Variants in STARD9 observed in about 807,000 individuals in gnomAD.
STARD9 encodes the protein stAR-related lipid transfer protein 9.
A neutral mutation model predicts 399.8 loss-of-function variants in STARD9; 346 were observed. The ratio of observed to expected loss-of-function variants is 0.87; its 90% CI spans 0.79 to 0.95. The LOEUF (loss-of-function observed/expected upper bound fraction) is 0.95, where lower values mean the gene tolerates loss of function less well. STARD9 is among the 40% of genes least tolerant of loss of function. STARD9 has a pLI of 0.00. For synonymous variants in STARD9, 2,203 were observed against 2,143.5 expected (o/e 1.03, Z -0.77); for missense variants, 5,832 against 5,667.5 (o/e 1.03, Z -0.93).
At chr15:42,663,117 T>C (rs2060021759) in intron 11 of STARD9, 164 bp from the exon 12 acceptor site, 1 of 754,338 alleles carries the variant, frequency 1.3e-6, no homozygotes, top group South Asian at 1.9e-5. Flanking sequence ...AAACATTCCA[T>C]ATCGTGAGTC....
In STARD9 at chr15:42,684,757, C is replaced by T; in HGVS notation, c.3179C>T (p.Ser1060Phe). 1 of 1,537,264 alleles carries T rather than the reference C, an allele frequency of 6.5e-7. No individual in the cohort carries two copies. The change falls in exon 23 of 33, where the codon TCT becomes TTT. Residue 1060 changes from serine (S) to phenylalanine (F), a missense_variant. Transcript: ENST00000290607. ...GTCAGAAATATTACCAAAAAGTCCT[C>T]TCACTTGCCTCTTGGCAGTCCTTTG... ...TRVRNITKKS[S>F]HLPLGSPLKR...
At chr15:42,676,015 G>C (rs1055165321) in intron 20 of STARD9, 40 bp downstream of exon 20, 60 of 699,332 alleles carry the variant, frequency 8.6e-5, no homozygotes, top group Admixed American at 2.8e-4. Flanking sequence ...AACCTACTGG[G>C]TTCGCTTCTT....
chr15:42,669,129 G>T (rs1171766016), intron 15 of STARD9, 29 bp from the exon 16 acceptor site: 1 of 1,504,092 alleles, frequency 6.6e-7, no homozygotes, highest in East Asian at 2.5e-5. Flanking sequence ...CATGCTGAGT[G>T]TCTCAGATCA....
intron 26 of STARD9, among the ~76,000 whole-genome samples, chr15:42,713,749 GAT>G (rs2061296097): frequency 6.6e-6 from 1 of 152,090 alleles, no homozygotes; most frequent in African/African-American, 2.4e-5. Flanking sequence ...ACTTGCTCGT[GAT>G]ATATGATCTT....
intron 1 of STARD9, among the ~76,000 whole-genome samples, chr15:42,577,444 C>G (rs1205725636): frequency 2.0e-5 from 3 of 152,200 alleles, no homozygotes; most frequent in Non-Finnish European, 4.4e-5. Flanking sequence ...TGAGCCACTG[C>G]GCCCAGCCGG....
intron 3 of STARD9, among the ~76,000 whole-genome samples, chr15:42,623,451 G>A (rs1037622668): frequency 2.0e-5 from 3 of 152,174 alleles, no homozygotes; most frequent in African/African-American, 7.2e-5. Context: ...GTTGTGGACT[G>A]AAGACAGTGT....
rs749690257 is a variant in STARD9 at position 42,674,431 on chromosome 15, C to T, written c.1498-9C>T. Reference sequence around the variant, plus strand: ...AATTCTCATTAAAATGGCTTTTTTCCCCCTTTAGGAAGGGACAACAAAAAT... The same window carrying T: ...AATTCTCATTAAAATGGCTTTTTTCTCCCTTTAGGAAGGGACAACAAAAAT... On this transcript the variant is annotated splice_polypyrimidine_tract_variant and intron_variant, in intron 16 of 32. Transcript: ENST00000290607. The T allele has an allele frequency of 2.6e-6, 4 of 1,536,278 alleles. No homozygotes were observed. The highest frequency in any genetic ancestry group is 2.4e-5 in the East Asian group (1 of 40,928).
intron 18 of STARD9, chr15:42,675,350 C>T: frequency 4.6e-6 from 2 of 433,840 alleles, no homozygotes; most frequent in South Asian, 5.5e-5. Flanking sequence ...ATTACCGCTA[C>T]TGTTATTAAT....
At chr15:42,635,562 C>G (rs1024889101) in intron 4 of STARD9, among the ~76,000 whole-genome samples, 37 of 152,066 alleles carry the variant, frequency 2.4e-4, no homozygotes, top group African/African-American at 8.7e-4. Context: ...ATCTCCTCAT[C>G]TCGTGATCTG....
chr15:42,677,089 TAAAAAAAAAAAAAAAA>T (rs869040683), intron 20 of STARD9, among the ~76,000 whole-genome samples: 1 of 53,590 alleles, frequency 1.9e-5, no homozygotes. Context: ...CGTCTCTACT[TAAAAAAAAAAAAAAAA>T]AAAAAAAAAA....
At chr15:42,654,454 T>G (rs1265934431) in intron 9 of STARD9, among the ~76,000 whole-genome samples, 2 of 151,402 alleles carry the variant, frequency 1.3e-5, no homozygotes, top group Admixed American at 1.3e-4. Flanking sequence ...GAGAAAGAAA[T>G]AAAGGGCATC....
intron 1 of STARD9, among the ~76,000 whole-genome samples, chr15:42,579,286 G>A (rs1403015433): frequency 1.3e-5 from 2 of 152,116 alleles, no homozygotes; most frequent in Non-Finnish European, 2.9e-5. Context: ...AAACTAGAGG[G>A]GAAAATAAAG....
intron 7 of STARD9, among the ~76,000 whole-genome samples, chr15:42,646,028 G>A (rs1231213808): frequency 1.3e-5 from 2 of 152,030 alleles, no homozygotes; most frequent in Non-Finnish European, 2.9e-5. Context: ...AGACGTGGTG[G>A]CTGGTGCCTG....
At chr15:42,657,214 G>A (rs1434744179) in intron 9 of STARD9, among the ~76,000 whole-genome samples, 1 of 151,916 alleles carries the variant, frequency 6.6e-6, no homozygotes, top group East Asian at 1.9e-4. Context: ...AAAAAAATTA[G>A]CCAGGCATGG....
At chr15:42,601,847 T>C (rs2141756178) in intron 3 of STARD9, among the ~76,000 whole-genome samples, 1 of 152,284 alleles carries the variant, frequency 6.6e-6, no homozygotes, top group South Asian at 2.1e-4. Flanking sequence ...TTTTACTTTA[T>C]TTTATTTATT....
In STARD9 at chr15:42,686,385, A is replaced by G. The variant is rs1331183041; in HGVS notation, c.4807A>G (p.Thr1603Ala). The G allele has an allele frequency of 2.8e-5, 43 of 1,537,648 alleles. No individual in the cohort carries two copies. The highest frequency in any genetic ancestry group is 3.6e-5 in the Non-Finnish European group (41 of 1,147,032). Residue 1603 changes from threonine (T) to alanine (A), a missense_variant, in exon 23 of 33, where the codon ACA becomes GCA. Thr to Ala is a moderately conservative substitution (Grantham distance 58). This residue lies in a region of STARD9 where 5,828 missense variants were observed against 5,651.1 expected (regional missense o/e 1.03). Coordinates refer to ENST00000290607, the MANE Select transcript of STARD9 (RefSeq NM_020759.3). ...AGAATCATTGTCTGCTTCTCGATCT[A>G]CAAATGCACAGGTCTTTGCAACAGA... ...DLESLSASRSTNAQVFATENA... is the reference protein window; with the variant it reads ...DLESLSASRSANAQVFATENA...
chr15:42,581,709 A>G (rs1277369934), intron 1 of STARD9, among the ~76,000 whole-genome samples: 1 of 152,252 alleles, frequency 6.6e-6, no homozygotes, highest in Non-Finnish European at 1.5e-5. Context: ...CGATGACAGG[A>G]AACCTACATA....
At position 42,691,830 on chromosome 15, in the gene STARD9, A is replaced by G. The variant is rs2060714006; in HGVS notation, c.10252A>G (p.Thr3418Ala). The stretch of plus-strand genomic sequence containing the variant: ...GCCTTCCACTCTCTCACACATGCCA[A>G]CCCCTGATTTCACGACCAGCTGGAT... ...PMPSTLSHMP[T>A]PDFTTSWMSG... Residue 3418 changes from threonine to alanine, a missense_variant, in exon 23 of 33, where the codon ACC (threonine) becomes GCC (alanine). Physicochemically the swap from Thr to Ala is moderately conservative, Grantham distance 58 (BLOSUM62 0). Transcript: ENST00000290607. The G allele has an allele frequency of 6.5e-7, 1 of 1,537,158 alleles. No homozygotes were observed. The highest frequency in any genetic ancestry group is 2.4e-5 in the East Asian group (1 of 40,924).
At chr15:42,656,619 T>C (rs1595716757) in intron 9 of STARD9, among the ~76,000 whole-genome samples, 1 of 152,184 alleles carries the variant, frequency 6.6e-6, no homozygotes, top group East Asian at 1.9e-4. Context: ...ATGTGGTGTA[T>C]GTATACTGTG....
Sources: allele counts gnomAD v4.1 joint callset (sites outside exome capture counted in the v4.1 genomes callset), GRCh38; gene constraint gnomAD v4.1.1; regional missense constraint gnomAD v4.1.1; transcripts MANE v1.5; gene names NCBI Gene and HGNC (gene_info 2026-07-23, HGNC 2026-07-21).